Variants in FOCAD observed in about 807,000 individuals in gnomAD.
FOCAD encodes KIAA1797.
In FOCAD, 198 loss-of-function variants were observed where a neutral mutation model predicts 225.6. The ratio of observed to expected loss-of-function variants is 0.88; its 90% confidence interval spans 0.78 to 0.99. The LOEUF (loss-of-function observed/expected upper bound fraction) is 0.99. FOCAD is among the 50% of genes least tolerant of loss of function. The pLI, the probability that FOCAD is intolerant of heterozygous loss-of-function variation, is 0.00. For missense variants in FOCAD, 2,713 were observed against 2,123.6 expected, an observed-to-expected ratio of 1.28 and a Z score of -5.46; for synonymous variants, 897 against 755.0, an observed-to-expected ratio of 1.19 and a Z score of -3.08.
intron 5 of FOCAD, among the ~76,000 whole-genome samples, chr9:20,757,037 C>T (rs188335170): frequency 1.3e-5 from 2 of 152,274 alleles, no homozygotes; most frequent in African/African-American, 2.4e-5. Flanking sequence ...TTAAGTGATT[C>T]ACCTTCCTCA....
chr9:20,836,974 A>G (rs568094527), intron 15 of FOCAD, among the ~76,000 whole-genome samples: 52 of 152,152 alleles, frequency 3.4e-4, no homozygotes, highest in Admixed American at 6.5e-4. Context: ...TGGAGGCCTT[A>G]ATATTTTACC....
Position 20,789,524 on chromosome 9 carries a change from T to C in FOCAD, c.1371T>C (p.Ala457=), listed in dbSNP as rs1820303191. 1 of 1,614,016 alleles carries C rather than the reference T, an allele frequency of 6.2e-7. No individual in the cohort carries two copies. Among genetic ancestry groups the C allele is most frequent in the Non-Finnish European group, 8.5e-7 (1 of 1,179,978 alleles). ...VIPAPAFLLL[A]HLLVEDKGQN... is the part of the protein sequence containing the mutation. ...CTGCGCCTGCCTTTCTTCTGCTGGCTCACCTCCTTGTTGAAGACAAAGGAC... is the reference window on the plus strand; with the variant it reads ...CTGCGCCTGCCTTTCTTCTGCTGGCCCACCTCCTTGTTGAAGACAAAGGAC... The change falls in exon 11 of 44, where the codon GCT becomes GCC. Residue 457 remains alanine (A), a synonymous_variant. Transcript: ENST00000338382.
chr9:20,993,258 T>G lies in FOCAD; in HGVS notation c.5262T>G (p.Ile1754Met). ...ATTTTTCATTTTTACCCTAGTTCAT[T>G]GACTGGCTATTCAGCATCATGGAAA... ...EPWKEQTQKF[I>M]DWLFSIMESP... Residue 1754 changes from isoleucine to methionine, a missense_variant, in exon 43 of 44, where the codon ATT becomes ATG. Transcript: ENST00000338382. The G allele has an allele frequency of 1.2e-6, 2 of 1,613,680 alleles. No homozygotes were observed. The highest frequency in any genetic ancestry group is 8.5e-7 in the Non-Finnish European group (1 of 1,179,624).
At chr9:20,776,041 C>T (rs1409199072) in intron 8 of FOCAD, among the ~76,000 whole-genome samples, 1 of 151,874 alleles carries the variant, frequency 6.6e-6, no homozygotes, top group Non-Finnish European at 1.5e-5. Context: ...CAATGTGATC[C>T]CAGCAAGCAG....
At chr9:20,729,968 G>C (rs577352642) in intron 4 of FOCAD, among the ~76,000 whole-genome samples, 1 of 152,082 alleles carries the variant, frequency 6.6e-6, no homozygotes, top group Non-Finnish European at 1.5e-5. Flanking sequence ...TCTCTAAACA[G>C]CAATAATAAT....
At chr9:20,875,874 C>T (rs1587475785) in intron 19 of FOCAD, 1 of 152,038 alleles carries the variant, frequency 6.6e-6, no homozygotes, top group East Asian at 1.9e-4. Flanking sequence ...CAACATCTTG[C>T]TTAGTTTTGT....
At chr9:20,733,951 T>C (rs1159181378) in intron 4 of FOCAD, among the ~76,000 whole-genome samples, 1 of 152,150 alleles carries the variant, frequency 6.6e-6, no homozygotes, top group Non-Finnish European at 1.5e-5. Context: ...CAGTGAGCTA[T>C]AGTGAGCTAT....
Position 20,789,232 on chromosome 9 carries a change from T to A in FOCAD, c.1198-119T>A, listed in dbSNP as rs74707685. ...AGAGGATTTTGGCAGTAATTCAATT[T>A]GTATTCATTTTGTTGGAAGGAGTGA... On this transcript the variant is annotated intron_variant, in intron 10 of 43. Transcript: ENST00000338382. 0.024 allele frequency: 27,532 copies of A among 1,125,610 alleles called. 440 individuals are homozygous for A. The highest frequency in any genetic ancestry group is 0.07 in the African/African-American group (4,502 of 64,538). The allele number at this position is 1,125,610 out of a possible 1,614,324, so 69.7% of individuals were successfully genotyped here. A position where few individuals can be genotyped will look rare whatever the true frequency, so the allele number is the denominator to read the frequency against.
At position 20,769,724 on chromosome 9, in the gene FOCAD, A is replaced by G. The variant is rs538252294; in HGVS notation, c.700-308A>G. Among the ~76,000 whole-genome samples, 4 of 152,340 alleles carry G rather than the reference A, an allele frequency of 2.6e-5. No individual in the cohort carries two copies. In the East Asian group the frequency reaches 5.8e-4, roughly 22 times the overall value. On this transcript the variant is annotated intron_variant, in intron 7 of 43. Coordinates refer to ENST00000338382, the MANE Select transcript of FOCAD (RefSeq NM_001375567.1). Reference sequence around the variant, plus strand: ...AAAACTAAACTTAATTTCCCTCAACATGTTGTCATTGTCATGTAACTTGTT... The same window carrying G: ...AAAACTAAACTTAATTTCCCTCAACGTGTTGTCATTGTCATGTAACTTGTT...
Position 20,949,882 on chromosome 9 carries a change from A to AT in FOCAD, c.3948+215dup, listed in dbSNP as rs371086082. Among the ~76,000 whole-genome samples the AT allele has an allele frequency of 4.3e-3, 656 of 151,966 alleles. 5 individuals carry two copies. The highest frequency in any genetic ancestry group is 0.015 in the African/African-American group (613 of 41,466). ...CCTTTGGGAAAAAAAGAAAGCTGGCATTTTTTTTAGTAAACTTAAGTTGGC... is the reference window on the plus strand; with the variant it reads ...CCTTTGGGAAAAAAAGAAAGCTGGCATTTTTTTTTAGTAAACTTAAGTTGGC... On this transcript the variant is annotated intron_variant, in intron 33 of 43. Coordinates refer to ENST00000338382, the MANE Select transcript of FOCAD (RefSeq NM_001375567.1).
chr9:20,934,455 G>A (rs1208378482), intron 28 of FOCAD, among the ~76,000 whole-genome samples: 1 of 151,496 alleles, frequency 6.6e-6, no homozygotes, highest in African/African-American at 2.4e-5. Context: ...AAGCTTACAT[G>A]TATCTTACCA....
chr9:20,747,783 T>G (rs1445895576), intron 5 of FOCAD, among the ~76,000 whole-genome samples: 1 of 151,670 alleles, frequency 6.6e-6, no homozygotes, highest in African/African-American at 2.4e-5. Context: ...TTTATTTATC[T>G]TGGAATTTTT....
chr9:20,888,614 A>G (rs1304156476), intron 21 of FOCAD, among the ~76,000 whole-genome samples: 1 of 151,972 alleles, frequency 6.6e-6, no homozygotes, highest in Non-Finnish European at 1.5e-5. Context: ...AAATTGAGGT[A>G]TGGTATGGTT....
chr9:20,725,622 A>C (rs1826134125), intron 4 of FOCAD, among the ~76,000 whole-genome samples: 1 of 152,038 alleles, frequency 6.6e-6, no homozygotes, highest in Admixed American at 6.5e-5. Context: ...CATCCTTTGT[A>C]AGTCTAGTCT....
Position 20,978,380 on chromosome 9 carries a change from C to T in FOCAD, c.4303C>T (p.Gln1435Ter). The change falls in exon 37 of 44, where the codon CAG becomes TAG. Residue 1435 changes from glutamine to a stop codon, truncating the protein, a stop_gained. Coordinates refer to ENST00000338382, the MANE Select transcript of FOCAD (RefSeq NM_001375567.1). LOFTEE classifies it high-confidence loss of function. Reference sequence around the variant, plus strand: ...ACTGTGCCTTGAAATTATGGTGACCCAGGCACAGTCATCCCAGAATGCAGC... The same window carrying T: ...ACTGTGCCTTGAAATTATGGTGACCTAGGCACAGTCATCCCAGAATGCAGC... ...QQLCLEIMVT[Q>*]AQSSQNAAAL... 1 of 1,611,468 alleles carries T rather than the reference C, an allele frequency of 6.2e-7. No individual in the cohort carries two copies. Among genetic ancestry groups the T allele is most frequent in the East Asian group, 2.2e-5 (1 of 44,684 alleles).
At chr9:20,663,533 C>T (rs1352925109) in intron 2 of FOCAD, among the ~76,000 whole-genome samples, 1 of 151,032 alleles carries the variant, frequency 6.6e-6, no homozygotes, top group Non-Finnish European at 1.5e-5. Flanking sequence ...ACTATGTTTG[C>T]AATCTTCCAA....
chr9:20,910,416 A>C (rs1187331511), intron 22 of FOCAD, among the ~76,000 whole-genome samples: 1 of 152,122 alleles, frequency 6.6e-6, no homozygotes, highest in Non-Finnish European at 1.5e-5. Context: ...ACCAGAAATC[A>C]GAGCCCAGAT....
chr9:20,772,187 C>T (rs1406426310), intron 8 of FOCAD, among the ~76,000 whole-genome samples: 1 of 152,104 alleles, frequency 6.6e-6, no homozygotes, highest in Admixed American at 6.5e-5. Context: ...TTTTGGGCTA[C>T]TGGATGATGC....
chr9:20,819,676 T>G, intron 11 of FOCAD, 120 bp from the exon 12 acceptor site: 1 of 490,342 alleles, frequency 2.0e-6, no homozygotes, highest in Non-Finnish European at 3.5e-6. Context: ...TGATATATTC[T>G]AAGTCTTCCA....
Sources: gnomAD v4.1 joint callset for allele counts (sites outside exome capture counted in the v4.1 genomes callset) on GRCh38, gnomAD v4.1.1 for gene constraint, MANE v1.5 for transcripts, NCBI Gene and HGNC (gene_info 2026-07-23, HGNC 2026-07-21) for gene names.